CYP46A1: variants seen among roughly 807,000 people sequenced by gnomAD.
CYP46A1 encodes cytochrome P450 family 46 subfamily A member 1.
CYP46A1 carries 20 observed loss-of-function variants against 63.3 expected under a neutral mutation model. That is an observed-to-expected ratio of 0.32 (90% confidence interval 0.22 to 0.46). The LOEUF is 0.46. Ranked by LOEUF, CYP46A1 falls within the 20% of genes least tolerant of loss-of-function variation. The pLI, the probability that CYP46A1 is intolerant of heterozygous loss-of-function variation, is 1.00. For synonymous variants in CYP46A1, 268 were observed against 273.6 expected (o/e 0.98, Z 0.20); for missense variants, 445 against 670.8 (o/e 0.66, Z 3.72).
chr14:99,700,187 G>C, intron 5 of CYP46A1, 86 bp downstream of exon 5: 1 of 1,067,340 alleles, frequency 9.4e-7, no homozygotes, highest in Non-Finnish European at 1.3e-6. Flanking sequence ...GGGGAGGGAA[G>C]TGTCCACCCA....
At chr14:99,717,375 AG>A (rs1372995322) in intron 9 of CYP46A1, among the ~76,000 whole-genome samples, 2 of 152,026 alleles carry the variant, frequency 1.3e-5, no homozygotes, top group South Asian at 2.1e-4. Flanking sequence ...GAGGCCGAGG[AG>A]GGAAGTGGCC....
rs1166368009 is a variant in CYP46A1, at chr14:99,726,763, G to A, written c.*36G>A. 2 of 1,457,282 alleles carry A rather than the reference G, an allele frequency of 1.4e-6. No homozygotes were observed. The highest frequency in any genetic ancestry group is 1.4e-5 in the South Asian group (1 of 72,512). 90.3% of individuals were successfully genotyped at this position (1,457,282 alleles called of 1,614,324 possible). On this transcript the variant is annotated 3_prime_UTR_variant, in exon 15 of 15. Transcript: ENST00000261835. ...AGGCAGGACGAGACTCCTCGGGCAAGGGCCGTGCCCGCCCACCTCTGCTGC... is the reference window on the plus strand; with the variant it reads ...AGGCAGGACGAGACTCCTCGGGCAAAGGCCGTGCCCGCCCACCTCTGCTGC...
intron 5 of CYP46A1, chr14:99,703,666 C>G (rs1445411121): frequency 3.1e-6 from 3 of 983,376 alleles, no homozygotes; most frequent in Admixed American, 6.1e-5. Context: ...ATGCCTCCAT[C>G]AAGGCACCTG....
intron 7 of CYP46A1, chr14:99,711,308 G>A (rs1374109115): frequency 6.6e-6 from 1 of 151,618 alleles, no homozygotes; most frequent in Non-Finnish European, 1.5e-5. Flanking sequence ...TATCAGTGCA[G>A]AATTAAAGGA....
At chr14:99,724,898 G>A (rs886772776) in intron 12 of CYP46A1, among the ~76,000 whole-genome samples, 3 of 152,216 alleles carry the variant, frequency 2.0e-5, no homozygotes, top group East Asian at 1.9e-4. Flanking sequence ...ACACGTGCAC[G>A]TGGAAGGCTG....
intron 4 of CYP46A1, 51 bp from the exon 5 acceptor site, chr14:99,699,964 C>CGGGGGGGGG: frequency 1.3e-6 from 1 of 773,854 alleles, no homozygotes; most frequent in Non-Finnish European, 2.1e-6. Flanking sequence ...ATCAAGCAGT[C>CGGGGGGGGG]GCTCCCCACC....
At chr14:99,706,477 G>A (rs1481575314) in intron 5 of CYP46A1, 170 bp from the exon 6 acceptor site, 4 of 744,682 alleles carry the variant, frequency 5.4e-6, no homozygotes, top group Admixed American at 2.7e-5. Flanking sequence ...GTGTAGTTCA[G>A]TTACTACAAC....
chr14:99,699,689 C>T (rs2056614135), intron 4 of CYP46A1, 150 bp downstream of exon 4: 1 of 822,868 alleles, frequency 1.2e-6, no homozygotes. Flanking sequence ...ACAGTGGCCC[C>T]ACTCTTGTCA....
intron 11 of CYP46A1, 121 bp downstream of exon 11, chr14:99,721,444 G>T (rs563146097): frequency 8.3e-6 from 6 of 726,764 alleles, no homozygotes; most frequent in South Asian, 3.3e-5. Context: ...GTCCTCCCCC[G>T]GAAGATTTAA....
At chr14:99,703,292 A>C (rs1228695456) in intron 5 of CYP46A1, among the ~76,000 whole-genome samples, 1 of 152,154 alleles carries the variant, frequency 6.6e-6, no homozygotes, top group Non-Finnish European at 1.5e-5. Context: ...CTGTATAAAC[A>C]TCCTTGCCAG....
At chr14:99,715,216 C>T (rs944063075) in intron 7 of CYP46A1, among the ~76,000 whole-genome samples, 16 of 152,166 alleles carry the variant, frequency 1.1e-4, no homozygotes, top group Non-Finnish European at 2.2e-4. Context: ...GACCATTGCA[C>T]ATTGTATTCA....
At chr14:99,687,878 C>G (rs940022165) in intron 1 of CYP46A1, among the ~76,000 whole-genome samples, 1 of 152,150 alleles carries the variant, frequency 6.6e-6, no homozygotes, top group Non-Finnish European at 1.5e-5. Flanking sequence ...AACAAGTCCC[C>G]ATGTCTGGCC....
At position 99,726,760 on chromosome 14, in the gene CYP46A1, C is replaced by A. The variant is rs2056906065; in HGVS notation, c.*33C>A. 1 of 1,468,650 alleles carries A rather than the reference C, an allele frequency of 6.8e-7. No individual in the cohort carries two copies. The highest frequency in any genetic ancestry group is 9.1e-7 in the Non-Finnish European group (1 of 1,102,684). 91.0% of individuals were successfully genotyped at this position (1,468,650 alleles called of 1,614,324 possible). On this transcript the variant is annotated 3_prime_UTR_variant, in exon 15 of 15. Coordinates refer to ENST00000261835, the MANE Select transcript of CYP46A1 (RefSeq NM_006668.2). ...TCCAGGCAGGACGAGACTCCTCGGG[C>A]AAGGGCCGTGCCCGCCCACCTCTGC...
Position 99,725,288 on chromosome 14 carries a change from G to T in CYP46A1, c.1177-103G>T. On this transcript the variant is annotated intron_variant, in intron 12 of 14. Transcript: ENST00000261835. The surrounding 1 kb of genome is among the most constrained non-coding windows in gnomAD (Gnocchi z 4.2). The stretch of plus-strand genomic sequence containing the variant: ...TGAAGACATGGGGGGAGGAGAGTGG[G>T]ACCCACTCTGCTCTGAGTAGCCCTG... 1 of 834,776 alleles carries T rather than the reference G, an allele frequency of 1.2e-6. No individual in the cohort carries two copies. Among genetic ancestry groups the T allele is most frequent in the South Asian group, 1.5e-5 (1 of 66,514 alleles). The allele number at this position is 834,776 out of a possible 1,614,324, so 51.7% of individuals were successfully genotyped here.
chr14:99,685,435 C>G (rs1307011157), intron 1 of CYP46A1, among the ~76,000 whole-genome samples: 1 of 150,470 alleles, frequency 6.6e-6, no homozygotes, highest in Admixed American at 6.6e-5. Context: ...ACCACCCAGC[C>G]CCAGACTTCT....
intron 9 of CYP46A1, among the ~76,000 whole-genome samples, chr14:99,716,593 C>T (rs188834033): frequency 1.3e-5 from 2 of 152,374 alleles, no homozygotes; most frequent in South Asian, 2.1e-4. Flanking sequence ...CCTCTTCAGC[C>T]GTCAGTGAGC....
At chr14:99,695,207 A>C (rs528111441) in intron 3 of CYP46A1, among the ~76,000 whole-genome samples, 1 of 152,358 alleles carries the variant, frequency 6.6e-6, no homozygotes, top group South Asian at 2.1e-4. Context: ...TTTATGGCCC[A>C]GCATATGGTT....
intron 1 of CYP46A1, 43 bp downstream of exon 1, chr14:99,684,579 T>C (rs1181070862): frequency 7.2e-7 from 1 of 1,389,084 alleles, no homozygotes; most frequent in Admixed American, 2.5e-5. Flanking sequence ...GTGCTGGGAC[T>C]GGGGGCCTGG....
intron 5 of CYP46A1, among the ~76,000 whole-genome samples, chr14:99,701,571 C>A (rs1033699090): frequency 6.6e-6 from 1 of 152,154 alleles, no homozygotes; most frequent in African/African-American, 2.4e-5. Flanking sequence ...TGAAGACATT[C>A]CCTAACAACA....
Sources: gnomAD v4.1 joint callset for allele counts (sites outside exome capture counted in the v4.1 genomes callset) on GRCh38, gnomAD v4.1.1 for gene constraint, Gnocchi (gnomAD v3.1) non-coding constraint, MANE v1.5 for transcripts, NCBI Gene and HGNC (gene_info 2026-07-23, HGNC 2026-07-21) for gene names.